Variants in LDLRAD4 observed in about 807,000 individuals in gnomAD.
The protein encoded by LDLRAD4 is low density lipoprotein receptor class A domain containing 4, also known as low-density lipoprotein receptor class A domain-containing protein 4.
In LDLRAD4, 5 loss-of-function variants were observed where a neutral mutation model predicts 17.0. That is an observed-to-expected ratio of 0.29 (90% CI 0.15 to 0.62). The LOEUF is 0.62. LDLRAD4 is among the 20% of genes least tolerant of loss of function. LDLRAD4 has a pLI of 0.84. For missense variants in LDLRAD4, 340 were observed against 424.7 expected, an observed-to-expected ratio of 0.80 and a Z score of 1.75; for synonymous variants, 168 against 171.8, an observed-to-expected ratio of 0.98 and a Z score of 0.17.
Position 13,226,180 on chromosome 18 carries a change from CT to C in LDLRAD4, c.-467+7213del, listed in dbSNP as rs71174166. ...GGACTACAGATGCTGCCATGCCTTG[CT>C]TTTTTTTTTTTTTTTTTTTTGTAGA... On this transcript the variant is annotated intron_variant, in intron 1 of 5. Transcript: ENST00000399848. Among the ~76,000 whole-genome samples the C allele has an allele frequency of 1.2e-3, 62 of 52,206 alleles. 1 individual carries two copies. The highest frequency in any genetic ancestry group is 1.4e-3 in the Admixed American group (4 of 2,762). 34.2% of individuals were successfully genotyped at this position (52,206 alleles called of 152,430 possible).
chr18:13,258,823 T>A (rs2145916000), intron 1 of LDLRAD4, among the ~76,000 whole-genome samples: 1 of 152,340 alleles, frequency 6.6e-6, no homozygotes, highest in East Asian at 1.9e-4. Flanking sequence ...AATGTTCAAA[T>A]GGGGCAGGGG....
intron 3 of LDLRAD4, among the ~76,000 whole-genome samples, chr18:13,584,771 G>T (rs981043914): frequency 6.6e-6 from 1 of 152,198 alleles, no homozygotes; most frequent in Non-Finnish European, 1.5e-5. Context: ...CTTTGGATCT[G>T]TCTCCTGATA....
chr18:13,422,508 G>C (rs1462402277), intron 2 of LDLRAD4, among the ~76,000 whole-genome samples: 1 of 150,920 alleles, frequency 6.6e-6, no homozygotes, highest in Non-Finnish European at 1.5e-5. Context: ...ACCAGCCTAG[G>C]TAACATATTG....
intron 1 of LDLRAD4, among the ~76,000 whole-genome samples, chr18:13,371,360 C>T (rs1335882842): frequency 6.6e-6 from 1 of 152,188 alleles, no homozygotes; most frequent in East Asian, 1.9e-4. Flanking sequence ...GCTGCTGGAG[C>T]CCACCTCACA....
At chr18:13,543,998 G>A (rs767706211) in intron 3 of LDLRAD4, among the ~76,000 whole-genome samples, 1 of 152,234 alleles carries the variant, frequency 6.6e-6, no homozygotes, top group African/African-American at 2.4e-5. Flanking sequence ...GCCCACATAC[G>A]TGCATACGTG....
chr18:13,477,601 G>A (rs936446811), intron 3 of LDLRAD4, among the ~76,000 whole-genome samples: 10 of 152,170 alleles, frequency 6.6e-5, no homozygotes, highest in African/African-American at 2.4e-4. Context: ...TCAGGTCATG[G>A]GATTATGGAA....
chr18:13,478,992 A>G (rs1480285112), intron 3 of LDLRAD4, among the ~76,000 whole-genome samples: 1 of 152,250 alleles, frequency 6.6e-6, no homozygotes, highest in Non-Finnish European at 1.5e-5. Flanking sequence ...ATGAATCTTG[A>G]CAAAGAAGTA....
chr18:13,606,304 T>C (rs1368617833), intron 3 of LDLRAD4, among the ~76,000 whole-genome samples: 1 of 152,256 alleles, frequency 6.6e-6, no homozygotes, highest in Non-Finnish European at 1.5e-5. Flanking sequence ...AAATGTGGAC[T>C]CATAAGTAAT....
At chr18:13,439,857 G>A (rs908541202) in intron 3 of LDLRAD4, among the ~76,000 whole-genome samples, 2 of 152,178 alleles carry the variant, frequency 1.3e-5, no homozygotes, top group African/African-American at 4.8e-5. Context: ...CCACATGGAT[G>A]GAACAATGAT....
intron 3 of LDLRAD4, among the ~76,000 whole-genome samples, chr18:13,576,993 T>A (rs2094783222): frequency 6.6e-6 from 1 of 152,224 alleles, no homozygotes; most frequent in Non-Finnish European, 1.5e-5. Context: ...GAAAATATGA[T>A]CAGGTGTCTT....
At chr18:13,468,492 A>T (rs922034086) in intron 3 of LDLRAD4, among the ~76,000 whole-genome samples, 1 of 152,322 alleles carries the variant, frequency 6.6e-6, no homozygotes, top group South Asian at 2.1e-4. Context: ...CAGCAATCCC[A>T]TTACTGGGTG....
At chr18:13,242,160 C>T (rs998328725) in intron 1 of LDLRAD4, 1 of 152,246 alleles carries the variant, frequency 6.6e-6, no homozygotes, top group African/African-American at 2.4e-5. Flanking sequence ...CTTCATTAAA[C>T]CAAGAACGTG....
chr18:13,567,052 G>A (rs1045061802), intron 3 of LDLRAD4, among the ~76,000 whole-genome samples: 1 of 152,174 alleles, frequency 6.6e-6, no homozygotes, highest in South Asian at 2.1e-4. Context: ...CCTGGCCCAG[G>A]GGGGAAGCAG....
chr18:13,242,187 C>T (rs2042693534), intron 1 of LDLRAD4: 7 of 152,236 alleles, frequency 4.6e-5, no homozygotes, highest in Admixed American at 4.6e-4. Context: ...ACTTGTTGAC[C>T]TACTGGAATC....
chr18:13,444,469 T>C (rs2091250934), intron 3 of LDLRAD4, among the ~76,000 whole-genome samples: 1 of 152,238 alleles, frequency 6.6e-6, no homozygotes, highest in Non-Finnish European at 1.5e-5. Context: ...CGACTTCTTA[T>C]GTTATAGGTA....
chr18:13,290,244 T>G (rs569354488), intron 1 of LDLRAD4, among the ~76,000 whole-genome samples: 1 of 152,356 alleles, frequency 6.6e-6, no homozygotes, highest in East Asian at 1.9e-4. Context: ...GAAGAGGGGC[T>G]GGGGATTCCT....
chr18:13,620,988 G>C (rs2040575507), intron 3 of LDLRAD4, 129 bp from the exon 5 acceptor site: 4 of 1,297,978 alleles, frequency 3.1e-6, no homozygotes, highest in Admixed American at 1.8e-5. Context: ...TCTGTGTCCT[G>C]CTGGCCTCTG....
chr18:13,454,448 C>T (rs1600433138), intron 3 of LDLRAD4, among the ~76,000 whole-genome samples: 2 of 152,062 alleles, frequency 1.3e-5, no homozygotes, highest in Admixed American at 6.6e-5. Context: ...CTTCCTGGGT[C>T]GGCCTGGGAA....
intron 2 of LDLRAD4, among the ~76,000 whole-genome samples, chr18:13,405,690 A>C (rs146459527): frequency 3.3e-4 from 50 of 149,466 alleles, no homozygotes; most frequent in African/African-American, 1.2e-3. Context: ...CACCCGCCTC[A>C]GCCTCCTAAA....
Sources: gnomAD v4.1 joint callset for allele counts (sites outside exome capture counted in the v4.1 genomes callset) on GRCh38, gnomAD v4.1.1 for gene constraint, MANE v1.5 for transcripts, NCBI Gene and HGNC (gene_info 2026-07-23, HGNC 2026-07-21) for gene names.